HS3ST4: variants seen among roughly 807,000 people sequenced by gnomAD.
HS3ST4 encodes the protein heparan sulfate-glucosamine 3-sulfotransferase 4, also known as heparan sulfate glucosamine 3-O-sulfotransferase 4.
HS3ST4 carries 17 observed loss-of-function variants against 29.2 expected under a neutral mutation model. The ratio of observed to expected loss-of-function variants is 0.58; its 90% CI spans 0.40 to 0.87. The LOEUF (loss-of-function observed/expected upper bound fraction) is 0.87. Ranked by LOEUF, HS3ST4 falls within the 40% of genes least tolerant of loss-of-function variation. The pLI, the probability that HS3ST4 is intolerant of heterozygous loss-of-function variation, is 0.00. For synonymous variants in HS3ST4, 314 were observed against 285.7 expected (o/e 1.10, Z -1.00); for missense variants, 627 against 634.5 (o/e 0.99, Z 0.13).
chr16:25,942,822 A>G (rs1296202699), intron 1 of HS3ST4, among the ~76,000 whole-genome samples: 1 of 151,612 alleles, frequency 6.6e-6, no homozygotes, highest in African/African-American at 2.4e-5. Context: ...GAATCCTGCT[A>G]TGTTGCCCAG....
intron 1 of HS3ST4, among the ~76,000 whole-genome samples, chr16:25,773,022 C>T (rs1378367783): frequency 6.6e-6 from 1 of 152,118 alleles, no homozygotes; most frequent in Non-Finnish European, 1.5e-5. Flanking sequence ...TTCAGATTCT[C>T]TATTAGGAAA....
intron 1 of HS3ST4, among the ~76,000 whole-genome samples, chr16:25,964,462 C>T (rs147287173): frequency 0.014 from 2,103 of 152,200 alleles, 60 homozygotes; most frequent in Admixed American, 0.011. Flanking sequence ...TGAGTACTTA[C>T]CATGTGAGAT....
chr16:25,782,151 C>G (rs565400655), intron 1 of HS3ST4, among the ~76,000 whole-genome samples: 134 of 152,280 alleles, frequency 8.8e-4, no homozygotes, highest in Middle Eastern at 3.4e-3. Flanking sequence ...CTATAATTTA[C>G]AAAATCATCC....
intron 1 of HS3ST4, among the ~76,000 whole-genome samples, chr16:25,842,265 C>T (rs570537304): frequency 1.3e-5 from 2 of 152,224 alleles, no homozygotes; most frequent in Admixed American, 6.5e-5. Context: ...TCTTCCAGGT[C>T]GAGAGAAATA....
chr16:25,848,467 T>G (rs1967487828), intron 1 of HS3ST4, among the ~76,000 whole-genome samples: 1 of 151,600 alleles, frequency 6.6e-6, no homozygotes, highest in African/African-American at 2.4e-5. Context: ...ATAATTTTTT[T>G]TTTTTGCTTT....
intron 1 of HS3ST4, among the ~76,000 whole-genome samples, chr16:26,048,342 A>G (rs1260384241): frequency 1.3e-5 from 2 of 152,256 alleles, no homozygotes; most frequent in Non-Finnish European, 2.9e-5. Flanking sequence ...TCCAAGTGGC[A>G]ACATGAGAAA....
At chr16:26,094,894 G>A (rs1339080375) in intron 1 of HS3ST4, among the ~76,000 whole-genome samples, 1 of 151,952 alleles carries the variant, frequency 6.6e-6, no homozygotes, top group African/African-American at 2.4e-5. Flanking sequence ...GATGCACATA[G>A]GCTCAAAATA....
intron 1 of HS3ST4, among the ~76,000 whole-genome samples, chr16:25,790,990 T>A (rs1433609098): frequency 2.0e-5 from 3 of 152,188 alleles, no homozygotes; most frequent in African/African-American, 7.2e-5. Flanking sequence ...TTGAAAATAT[T>A]CTCCTTTTTC....
At chr16:26,060,593 G>A (rs536820645) in intron 1 of HS3ST4, among the ~76,000 whole-genome samples, 40 of 152,266 alleles carry the variant, frequency 2.6e-4, no homozygotes, top group South Asian at 1.9e-3. Flanking sequence ...CTGTGACAGG[G>A]ACTGGGACTG....
chr16:25,760,008 T>G (rs1966779692), intron 1 of HS3ST4, among the ~76,000 whole-genome samples: 1 of 152,108 alleles, frequency 6.6e-6, no homozygotes, highest in African/African-American at 2.4e-5. Context: ...ACAGGAAAAC[T>G]GAGGCTAACA....
chr16:25,714,049 C>A (rs1168344768), intron 1 of HS3ST4, among the ~76,000 whole-genome samples: 1 of 151,984 alleles, frequency 6.6e-6, no homozygotes. Context: ...TTAGAGTCTC[C>A]TCGGGGAATT....
rs115539306 is a variant in HS3ST4, at chr16:25,897,039, A to G, written c.734+203888A>G. Among the ~76,000 whole-genome samples the G allele has an allele frequency of 1.9e-3, 292 of 152,256 alleles. 1 individual carries two copies. Among genetic ancestry groups the G allele is most frequent in the African/African-American group, 6.8e-3 (283 of 41,538 alleles). On this transcript the variant is annotated intron_variant, in intron 1 of 1. Coordinates refer to ENST00000331351, the MANE Select transcript of HS3ST4 (RefSeq NM_006040.3). Reference sequence around the variant, plus strand: ...GGGAACACGGGTTGAAAAACTGCCTACTGGGTACTGTGTTCACTTGCTGAG... The same window carrying G: ...GGGAACACGGGTTGAAAAACTGCCTGCTGGGTACTGTGTTCACTTGCTGAG...
At chr16:25,833,375 A>G (rs550348590) in intron 1 of HS3ST4, among the ~76,000 whole-genome samples, 1 of 152,270 alleles carries the variant, frequency 6.6e-6, no homozygotes, top group South Asian at 2.1e-4. Context: ...TCATGGACTG[A>G]CAAGGTGACT....
intron 1 of HS3ST4, among the ~76,000 whole-genome samples, chr16:26,032,980 A>G (rs557428300): frequency 1.3e-4 from 20 of 152,156 alleles, no homozygotes; most frequent in African/African-American, 4.6e-4. Flanking sequence ...GTAAATTAGG[A>G]AAAAGTGGCC....
intron 1 of HS3ST4, among the ~76,000 whole-genome samples, chr16:26,017,436 A>G (rs1969372514): frequency 6.6e-6 from 1 of 152,214 alleles, no homozygotes; most frequent in African/African-American, 2.4e-5. Flanking sequence ...GTGGCAATAC[A>G]TTACATGAAA....
intron 1 of HS3ST4, among the ~76,000 whole-genome samples, chr16:26,078,372 TCTC>T (rs1313547928): frequency 6.6e-6 from 1 of 152,148 alleles, no homozygotes; most frequent in Non-Finnish European, 1.5e-5. Flanking sequence ...ATGGTCTCGA[TCTC>T]CTGACTTCGT....
chr16:25,713,610 C>T (rs916168327), intron 1 of HS3ST4, among the ~76,000 whole-genome samples: 2 of 152,158 alleles, frequency 1.3e-5, no homozygotes, highest in Admixed American at 1.3e-4. Flanking sequence ...CTTGCATGAC[C>T]TGGGTTCCAA....
chr16:25,945,797 C>A (rs1057243068), intron 1 of HS3ST4, among the ~76,000 whole-genome samples: 6 of 152,214 alleles, frequency 3.9e-5, no homozygotes, highest in Non-Finnish European at 7.3e-5. Context: ...CCATGTGTAA[C>A]AACCCACCTT....
intron 1 of HS3ST4, among the ~76,000 whole-genome samples, chr16:26,123,342 G>A (rs1388651677): frequency 6.6e-6 from 1 of 152,070 alleles, no homozygotes; most frequent in Non-Finnish European, 1.5e-5. Context: ...CACTTCCTTA[G>A]CCACACACCT....
Sources: gnomAD v4.1 joint callset for allele counts (sites outside exome capture counted in the v4.1 genomes callset) on GRCh38, gnomAD v4.1.1 for gene constraint, MANE v1.5 for transcripts, NCBI Gene and HGNC (gene_info 2026-07-23, HGNC 2026-07-21) for gene names.